The following ASB10 variants were observed in gnomAD, a reference collection of about 807,000 sequenced individuals.
ASB10 encodes ankyrin repeat and SOCS box protein 10.
Under a neutral mutation model 35.4 loss-of-function variants are expected in ASB10, and 44 were observed. That is an observed-to-expected ratio of 1.24 (90% CI 0.98 to 1.60). The LOEUF (loss-of-function observed/expected upper bound fraction) is 1.60, where lower values mean the gene tolerates loss of function less well. ASB10 is among the 40% of genes most tolerant of loss of function. The pLI is 0.00. For synonymous variants in ASB10, 294 were observed against 280.4 expected (o/e 1.05, Z -0.49); for missense variants, 647 against 634.3 (o/e 1.02, Z -0.22).
At position 151,176,152 on chromosome 7, in the gene ASB10, AGCAGGCGCGGTGGCAGGGGGAGGCGGG is replaced by A; in HGVS notation, c.1337_1363del (p.Pro446_Leu454del). On this transcript the variant is annotated inframe_deletion, in exon 5 of 6. Coordinates refer to ENST00000420175, the MANE Select transcript of ASB10 (RefSeq NM_001142459.2). ...CTCAAAATCCAGCTGCAGGTAGCGG[AGCAGGCGCGGTGGCAGGGGGAGGCGGG>A]GCAGCGCTTGGGGCAGGCTGCCCTC... 6.2e-7 allele frequency: 1 copy of A among 1,611,830 alleles called. No individual in the cohort carries two copies. Among genetic ancestry groups the A allele is most frequent in the South Asian group, 1.1e-5 (1 of 91,022 alleles).
chr7:151,176,138 G>A lies in ASB10; in HGVS notation c.1378C>T (p.Leu460=). Residue 460 remains leucine (L), a synonymous_variant, in exon 5 of 6, where the codon CTG becomes TTG. Coordinates refer to ENST00000420175, the MANE Select transcript of ASB10 (RefSeq NM_001142459.2). ...LPPRLLRYLQ[L]DFEGVLY The stretch of plus-strand genomic sequence containing the variant: ...TAGTAGAGCACGCCCTCAAAATCCA[G>A]CTGCAGGTAGCGGAGCAGGCGCGGT... The A allele has an allele frequency of 6.2e-7, 1 of 1,611,776 alleles. No homozygotes were observed. Among genetic ancestry groups the A allele is most frequent in the Non-Finnish European group, 8.5e-7 (1 of 1,179,822 alleles).
At chr7:151,187,262 G>T (rs965819716), upstream of ASB10, 1 of 1,514,038 alleles carries the variant, frequency 6.6e-7, no homozygotes, top group South Asian at 1.3e-5. This position sits in a 1 kb window ranked among gnomAD's most constrained non-coding sequence, Gnocchi z 5.3. Flanking sequence ...ACCTGGCCAC[G>T]CATCCAGCAG....
At chr7:151,182,554 G>T (rs1373614925) in intron 2 of ASB10, among the ~76,000 whole-genome samples, 1 of 152,100 alleles carries the variant, frequency 6.6e-6, no homozygotes, top group Non-Finnish European at 1.5e-5. Context: ...CTCCAGCTTG[G>T]GTGACAGAGT....
At chr7:151,180,481 T>C (rs1038440732) in intron 3 of ASB10, among the ~76,000 whole-genome samples, 2 of 152,126 alleles carry the variant, frequency 1.3e-5, no homozygotes, top group African/African-American at 2.4e-5. Flanking sequence ...CTCTCCTGCA[T>C]CTGTCACTGA....
Position 151,186,816 on chromosome 7 carries a change from C to G in ASB10, c.315G>C (p.Leu105=). Reference sequence around the variant, plus strand: ...AGCCCCCAGTGCCCCGGCCCGTACTCAGAGCACGGATGTTGAAGCGGAAAT... The same window carrying G: ...AGCCCCCAGTGCCCCGGCCCGTACTGAGAGCACGGATGTTGAAGCGGAAAT... The part of the protein sequence containing the change: ...WRDFRFNIRA[L]RLWSLTYEEE... The change falls in exon 1 of 6, where the codon CTG becomes CTC. Residue 105 remains leucine, a splice_region_variant and synonymous_variant. Transcript: ENST00000420175. 1 of 1,589,796 alleles carries G rather than the reference C, an allele frequency of 6.3e-7. No individual in the cohort carries two copies. The highest frequency in any genetic ancestry group is 8.6e-7 in the Non-Finnish European group (1 of 1,164,630).
chr7:151,181,173 C>G lies in ASB10; in HGVS notation c.870G>C (p.Ala290=), dbSNP rs2253592. 0.39 allele frequency: 623,717 copies of G among 1,610,130 alleles called. 127,099 individuals carry two copies. The highest frequency in any genetic ancestry group is 0.73 in the African/African-American group (54,445 of 74,994). Residue 290 remains alanine (A), a synonymous_variant, in exon 3 of 6, where the codon GCG becomes GCC. Transcript: ENST00000420175. The part of the protein sequence containing the change: ...LLSAGADADA[A]DQDKQRPLHL... ...GCAGGGGTCGCTGCTTGTCCTGGTC[C>G]GCAGCATCAGCGTCTGCTCCAGCTG...
Position 151,186,598 on chromosome 7 carries a change from A to G in ASB10, c.378T>C (p.Arg126=). The G allele has an allele frequency of 6.2e-6, 10 of 1,609,916 alleles. No individual in the cohort carries two copies. The highest frequency in any genetic ancestry group is 7.6e-6 in the Non-Finnish European group (9 of 1,178,900). The part of the protein sequence containing the change: ...LTTPLHVAAS[R]GHTEVLRLLL... ...GCAGCCGCAGGACTTCCGTGTGGCC[A>G]CGGCTGGCTGCCACATGCAGTGGGG... Residue 126 remains arginine (R), a synonymous_variant, in exon 2 of 6, where the codon CGT becomes CGC. Coordinates refer to ENST00000420175, the MANE Select transcript of ASB10 (RefSeq NM_001142459.2).
intron 2 of ASB10, among the ~76,000 whole-genome samples, 196 bp downstream of exon 2, chr7:151,186,196 C>CT (rs1284543036): frequency 6.6e-6 from 1 of 152,218 alleles, no homozygotes; most frequent in Non-Finnish European, 1.5e-5. Context: ...GACCAGAAAA[C>CT]TGTCCAAAGT....
At chr7:151,186,787 T>G in intron 1 of ASB10, 28 bp downstream of exon 1, 1 of 1,552,406 alleles carries the variant, frequency 6.4e-7, no homozygotes, top group Non-Finnish European at 8.7e-7. Context: ...TCTCTCCCAC[T>G]GAGAGCCCCC....
In ASB10 at chr7:151,186,640, G is replaced by T. The variant is rs745407485; in HGVS notation, c.336C>A (p.Tyr112Ter). ...IRALRLWSLT[Y>*]EEELTTPLHV... Reference sequence around the variant, plus strand: ...GCAGTGGGGTGGTCAGCTCCTCTTCGTATGTCAGAGACCAGAGTCCTAGGG... The same window carrying T: ...GCAGTGGGGTGGTCAGCTCCTCTTCTTATGTCAGAGACCAGAGTCCTAGGG... The change falls in exon 2 of 6, where the codon TAC (tyrosine) becomes TAA (stop). Residue 112 changes from tyrosine (Y) to a stop codon, truncating the protein, a stop_gained. Coordinates refer to ENST00000420175, the MANE Select transcript of ASB10 (RefSeq NM_001142459.2). LOFTEE classifies it high-confidence loss of function. The T allele has an allele frequency of 2.5e-6, 4 of 1,610,412 alleles. No individual in the cohort carries two copies. The highest frequency in any genetic ancestry group is 3.4e-6 in the Non-Finnish European group (4 of 1,178,624).
Position 151,181,313 on chromosome 7 carries a change from G to T in ASB10, c.730C>A (p.Arg244Ser). ...AGTGGGGTCCAGCCTTCGGCATTGC[G>T]GGCATCAGGACATGCCCCCCGTCTT... Reference protein sequence around the residue: ...LLRRGACPDARNAEGWTPLLA... With the variant: ...LLRRGACPDASNAEGWTPLLA... The change falls in exon 3 of 6, where the codon CGC becomes AGC. Residue 244 changes from arginine (R) to serine (S), a missense_variant. By Grantham distance (110) the Arg-to-Ser change is moderately radical. Transcript: ENST00000420175. The T allele has an allele frequency of 1.2e-6, 2 of 1,613,224 alleles. No homozygotes were observed. Among genetic ancestry groups the T allele is most frequent in the South Asian group, 1.1e-5 (1 of 91,084 alleles).
upstream of ASB10, chr7:151,187,444 C>A: frequency 6.4e-7 from 1 of 1,551,222 alleles, no homozygotes; most frequent in Non-Finnish European, 8.7e-7. The surrounding 1 kb of genome is among the most constrained non-coding windows in gnomAD (Gnocchi z 5.3). Context: ...CCCCCAGATG[C>A]CCCTCACCCC....
upstream of ASB10, chr7:151,187,521 G>C (rs928502133): frequency 3.2e-6 from 5 of 1,551,378 alleles, no homozygotes; most frequent in Middle Eastern, 1.7e-4. The surrounding 1 kb of genome is among the most constrained non-coding windows in gnomAD (Gnocchi z 5.3). Flanking sequence ...GTGCTGTGCG[G>C]GGGGAACAGC....
At chr7:151,179,042 A>G (rs1039707205) in intron 3 of ASB10, among the ~76,000 whole-genome samples, 6 of 152,182 alleles carry the variant, frequency 3.9e-5, no homozygotes, top group African/African-American at 2.4e-5. Flanking sequence ...ATGCAGCTAC[A>G]TCAACCTGCT....
chr7:151,184,168 C>A (rs942438287), intron 2 of ASB10, among the ~76,000 whole-genome samples: 1 of 151,928 alleles, frequency 6.6e-6, no homozygotes, highest in African/African-American at 2.4e-5. Flanking sequence ...AATCCCAGCA[C>A]TTTGGGAGGC....
intron 2 of ASB10, among the ~76,000 whole-genome samples, chr7:151,183,649 A>C (rs1584816551): frequency 6.6e-6 from 1 of 152,176 alleles, no homozygotes; most frequent in East Asian, 1.9e-4. Flanking sequence ...GCAGTGGCAC[A>C]ATCTTGGCTC....
chr7:151,181,898 CCACTGTGCCTGGCCAACAGTGTCCTT>C, intron 2 of ASB10, among the ~76,000 whole-genome samples: 1 of 152,170 alleles, frequency 6.6e-6, no homozygotes, highest in African/African-American at 2.4e-5. Flanking sequence ...TAGGCATGAG[CCACTGTGCCTGGCCAACAGTGTCCTT>C]CTTTAAAATC....
At chr7:151,185,476 A>G (rs1353580444) in intron 2 of ASB10, among the ~76,000 whole-genome samples, 4 of 152,124 alleles carry the variant, frequency 2.6e-5, no homozygotes, top group African/African-American at 7.2e-5. Flanking sequence ...TATGGCTCAC[A>G]TTAGGTTTCC....
In ASB10 at chr7:151,186,429, G is replaced by T; in HGVS notation, c.547C>A (p.Arg183Ser). Residue 183 changes from arginine (R) to serine (S), a missense_variant, in exon 2 of 6, where the codon CGC becomes AGC. Physicochemically the swap from Arg to Ser is moderately radical, Grantham distance 110. Transcript: ENST00000420175. ...DPNIADQDGKRPLHLCRGPGT... is the reference protein window; with the variant it reads ...DPNIADQDGKSPLHLCRGPGT... Reference sequence around the variant, plus strand: ...GGCCCCCGGCAGAGATGCAGGGGGCGTTTCCCATCCTGGTCAGCGATGTTG... The same window carrying T: ...GGCCCCCGGCAGAGATGCAGGGGGCTTTTCCCATCCTGGTCAGCGATGTTG... 1 of 1,588,352 alleles carries T rather than the reference G, an allele frequency of 6.3e-7. No homozygotes were observed. The highest frequency in any genetic ancestry group is 1.8e-5 in the Admixed American group (1 of 56,300).
Sources: gnomAD v4.1 joint callset for allele counts (sites outside exome capture counted in the v4.1 genomes callset) on GRCh38, gnomAD v4.1.1 for gene constraint, Gnocchi (gnomAD v3.1) non-coding constraint, MANE v1.5 for transcripts, NCBI Gene and HGNC (gene_info 2026-07-23, HGNC 2026-07-21) for gene names.